The following CEP72 variants were observed in gnomAD, a reference collection of about 807,000 sequenced individuals.
The protein encoded by CEP72 is centrosomal protein 72, also known as centrosomal protein of 72 kDa.
A neutral mutation model predicts 65.7 loss-of-function variants in CEP72; 78 were observed. That is an observed-to-expected ratio of 1.19 (90% CI 0.99 to 1.43). CEP72 has a LOEUF of 1.43. CEP72 is among the 40% of genes most tolerant of loss of function. CEP72 has a pLI of 0.00. For synonymous variants in CEP72, 358 were observed against 351.7 expected (o/e 1.02, Z -0.20); for missense variants, 914 against 832.9 (o/e 1.10, Z -1.20).
intron 1 of CEP72, among the ~76,000 whole-genome samples, chr5:617,601 T>C (rs1158105350): frequency 6.6e-6 from 1 of 152,180 alleles, no homozygotes; most frequent in Non-Finnish European, 1.5e-5. Flanking sequence ...TGGGGGACAA[T>C]GAACTGCTTG....
chr5:619,398 G>A (rs760588449), intron 2 of CEP72, among the ~76,000 whole-genome samples: 5 of 152,202 alleles, frequency 3.3e-5, no homozygotes, highest in Non-Finnish European at 7.3e-5. Context: ...CTGCCTCCTG[G>A]GCTCCTGGCA....
At chr5:669,317 G>A (rs959096753), downstream of CEP72, among the ~76,000 whole-genome samples, 13 of 151,400 alleles carry the variant, frequency 8.6e-5, no homozygotes, top group African/African-American at 2.2e-4. Flanking sequence ...GCTCTGTGGC[G>A]TGGGGGTCCG....
chr5:672,246 C>T, the CEP72 span, among the ~76,000 whole-genome samples: 17 of 152,270 alleles, frequency 1.1e-4, no homozygotes, highest in African/African-American at 2.6e-4. Context: ...CCTCCACGCT[C>T]GGGGCAACCG....
Position 642,519 on chromosome 5 carries a change from C to T in CEP72, c.1540-1780C>T, listed in dbSNP as rs373268690. ...ACCCCTTGCCCTTCTGAGCCTGGGA[C>T]GAGACAGAGCTGACAGGCGGAGCCC... On this transcript the variant is annotated intron_variant, in intron 9 of 11. Transcript: ENST00000264935. 9.1e-6 allele frequency: 9 copies of T among 985,346 alleles called. No individual in the cohort carries two copies. The South Asian group carries it at 1.4e-4, about 15-fold the overall frequency. 61.0% of individuals were successfully genotyped at this position (985,346 alleles called of 1,614,324 possible). A position where few individuals can be genotyped will look rare whatever the true frequency, so the allele number is the denominator to read the frequency against.
At chr5:642,172 C>G (rs1738091044) in intron 9 of CEP72, 2 of 907,586 alleles carry the variant, frequency 2.2e-6, no homozygotes, top group African/African-American at 3.7e-5. Flanking sequence ...GTCTAGAAGC[C>G]TCTGCATTTA....
chr5:633,046 A>G (rs368327638), intron 4 of CEP72, among the ~76,000 whole-genome samples: 20 of 30,968 alleles, frequency 6.5e-4, no homozygotes, highest in East Asian at 2.4e-3. Context: ...GCCGGGATTT[A>G]GACCAGTCCT....
downstream of CEP72, among the ~76,000 whole-genome samples, chr5:671,686 C>T (rs547635518): frequency 1.3e-3 from 192 of 152,358 alleles, no homozygotes; most frequent in Middle Eastern, 6.8e-3. Context: ...CAGCCACAGA[C>T]GTCCATGGCC....
At chr5:657,374 T>TA (rs1739406622), downstream of CEP72, among the ~76,000 whole-genome samples, 2 of 152,220 alleles carry the variant, frequency 1.3e-5, no homozygotes, top group Admixed American at 1.3e-4. Flanking sequence ...GACAGCCACT[T>TA]ACGATTTTCC....
downstream of CEP72, among the ~76,000 whole-genome samples, chr5:669,725 G>C (rs555247692): frequency 6.6e-6 from 1 of 151,990 alleles, no homozygotes; most frequent in Non-Finnish European, 1.5e-5. Context: ...TGCTCTGCGC[G>C]CTCCCCGAGT....
chr5:666,942 A>G (rs534818559), exon 5 of CEP72: 84 of 152,312 alleles, frequency 5.5e-4, no homozygotes, highest in African/African-American at 2.0e-3. Context: ...AGCTCTGCAA[A>G]AGGCACCTGC....
At position 624,677 on chromosome 5, in the gene CEP72, C is replaced by A. The variant is rs1372038773; in HGVS notation, c.512+98C>A. ...CATTCACTGTGTGCCGGTCACTCTC[C>A]AGGGGCGGACACCAGGAGGGAGGAA... On this transcript the variant is annotated intron_variant, in intron 4 of 11. Coordinates refer to ENST00000264935, the MANE Select transcript of CEP72 (RefSeq NM_018140.4). This position sits in a 1 kb window ranked among gnomAD's most constrained non-coding sequence, Gnocchi z 4.7. 1 of 873,580 alleles carries A rather than the reference C, an allele frequency of 1.1e-6. No homozygotes were observed. The allele number at this position is 873,580 out of a possible 1,614,324, so 54.1% of individuals were successfully genotyped here. A position where few individuals can be genotyped will look rare whatever the true frequency, so the allele number is the denominator to read the frequency against.
downstream of CEP72, among the ~76,000 whole-genome samples, chr5:669,024 T>C (rs1335045452): frequency 2.6e-5 from 4 of 152,158 alleles, no homozygotes; most frequent in Non-Finnish European, 4.4e-5. Flanking sequence ...ACAGACACCA[T>C]CAACAGCGCT....
chr5:619,977 A>G (rs1736276045), intron 2 of CEP72, 92 bp from the exon 3 acceptor site: 1 of 952,106 alleles, frequency 1.1e-6, no homozygotes, highest in African/African-American at 1.6e-5. Flanking sequence ...ATAAGTTTAT[A>G]CAGTTGGTTG....
chr5:637,471 C>T (rs374788059), intron 6 of CEP72, 46 bp from the exon 7 acceptor site: 7 of 1,553,192 alleles, frequency 4.5e-6, no homozygotes, highest in Non-Finnish European at 6.1e-6. Flanking sequence ...AACACTGCAC[C>T]CAGAGAATTT....
Position 635,635 on chromosome 5 carries a change from A to G in CEP72, c.904+51A>G, listed in dbSNP as rs747202504. ...TTCTGTTGCTGTAACAGAAAACCAC[A>G]GACTGAGTAATTTATAAAGAACAGA... On this transcript the variant is annotated intron_variant, in intron 6 of 11. Transcript: ENST00000264935. 3.7e-6 allele frequency: 5 copies of G among 1,365,928 alleles called. No individual in the cohort carries two copies. In the Admixed American group the frequency reaches 8.6e-5, roughly 23 times the overall value. The allele number at this position is 1,365,928 out of a possible 1,614,324, so 84.6% of individuals were successfully genotyped here.
chr5:619,562 C>T (rs1056189662), intron 2 of CEP72, among the ~76,000 whole-genome samples: 4 of 152,168 alleles, frequency 2.6e-5, no homozygotes, highest in Admixed American at 6.5e-5. Flanking sequence ...CTGATTGGCC[C>T]GGACAGAACC....
At chr5:669,545 C>T (rs6898393), downstream of CEP72, among the ~76,000 whole-genome samples, 2 of 152,142 alleles carry the variant, frequency 1.3e-5, no homozygotes, top group Non-Finnish European at 2.9e-5. Flanking sequence ...CCCACCCTGC[C>T]CAAGCTGACA....
At chr5:616,070 G>A (rs1195589537) in intron 1 of CEP72, among the ~76,000 whole-genome samples, 1 of 152,058 alleles carries the variant, frequency 6.6e-6, no homozygotes, top group Non-Finnish European at 1.5e-5. Context: ...AACTCAGGAG[G>A]AAACATATTT....
At chr5:639,646 G>T (rs946575169) in intron 8 of CEP72, among the ~76,000 whole-genome samples, 3 of 152,212 alleles carry the variant, frequency 2.0e-5, no homozygotes, top group Non-Finnish European at 4.4e-5. Context: ...GACCCAGGAG[G>T]GTGGTCCCTC....
Sources: allele counts gnomAD v4.1 joint callset (sites outside exome capture counted in the v4.1 genomes callset), GRCh38; gene constraint gnomAD v4.1.1; non-coding constraint Gnocchi (gnomAD v3.1); transcripts MANE v1.5; gene names NCBI Gene and HGNC (gene_info 2026-07-23, HGNC 2026-07-21).